EPB41L4A: variants seen among roughly 807,000 people sequenced by gnomAD.
The protein encoded by EPB41L4A is erythrocyte membrane protein band 4.1 like 4A, also known as band 4.1-like protein 4A.
A neutral mutation model predicts 108.6 loss-of-function variants in EPB41L4A; 100 were observed. The ratio of observed to expected loss-of-function variants is 0.92; its 90% CI spans 0.78 to 1.09. The LOEUF (loss-of-function observed/expected upper bound fraction) is 1.09, where lower values mean the gene tolerates loss of function less well. Among genes scored for constraint, EPB41L4A ranks in the 50% least tolerant of loss-of-function variants. The pLI is 0.00. For missense variants in EPB41L4A, 1,030 were observed against 842.7 expected (o/e 1.22, Z -2.75); for synonymous variants, 319 against 289.0 (o/e 1.10, Z -1.05).
intron 15 of EPB41L4A, among the ~76,000 whole-genome samples, chr5:112,197,243 C>T (rs182889902): frequency 1.8e-4 from 27 of 152,338 alleles, no homozygotes; most frequent in Admixed American, 1.1e-3. Context: ...CCAGTCTCTC[C>T]TCTCTCCTTC....
chr5:112,260,491 C>A (rs536921598), intron 7 of EPB41L4A, among the ~76,000 whole-genome samples: 98 of 152,248 alleles, frequency 6.4e-4, no homozygotes, highest in Non-Finnish European at 6.6e-4. Context: ...ATCTCCGATG[C>A]GGACAATCAT....
chr5:112,384,877 C>G (rs1226998761), intron 1 of EPB41L4A, among the ~76,000 whole-genome samples: 1 of 152,004 alleles, frequency 6.6e-6, no homozygotes, highest in Non-Finnish European at 1.5e-5. Flanking sequence ...AATTTTTTTC[C>G]TAGGCCTCAA....
At chr5:112,396,782 C>G (rs1215854241) in intron 1 of EPB41L4A, among the ~76,000 whole-genome samples, 1 of 152,170 alleles carries the variant, frequency 6.6e-6, no homozygotes, top group African/African-American at 2.4e-5. Context: ...CTTGTATAAT[C>G]TAGTCTCCAA....
At chr5:112,187,171 C>T (rs1044774236) in intron 17 of EPB41L4A, among the ~76,000 whole-genome samples, 6 of 152,078 alleles carry the variant, frequency 3.9e-5, no homozygotes, top group East Asian at 1.9e-4. Context: ...AAAAAGAGTC[C>T]GTTGTCATTT....
chr5:112,241,539 T>C (rs931525478), intron 9 of EPB41L4A, among the ~76,000 whole-genome samples: 1 of 152,152 alleles, frequency 6.6e-6, no homozygotes. Context: ...CAAACTTGAA[T>C]CAAAAATATT....
intron 1 of EPB41L4A, among the ~76,000 whole-genome samples, chr5:112,415,895 G>C (rs1762689280): frequency 6.6e-6 from 1 of 151,894 alleles, no homozygotes. Context: ...AGGTGAGGTT[G>C]CCCCTAAAGC....
intron 2 of EPB41L4A, among the ~76,000 whole-genome samples, chr5:112,305,304 G>C (rs1309883463): frequency 6.6e-6 from 1 of 152,056 alleles, no homozygotes; most frequent in Admixed American, 6.6e-5. Context: ...GATGATGATG[G>C]TGGTAATAAT....
chr5:112,297,189 C>T (rs1409701022), intron 2 of EPB41L4A, among the ~76,000 whole-genome samples: 1 of 152,138 alleles, frequency 6.6e-6, no homozygotes, highest in Non-Finnish European at 1.5e-5. Context: ...GGGAGTTATA[C>T]TTTGAGTTCC....
At chr5:112,239,476 T>A (rs1161107769) in intron 11 of EPB41L4A, 184 bp downstream of exon 11, 1 of 419,070 alleles carries the variant, frequency 2.4e-6, no homozygotes, top group African/African-American at 2.1e-5. Context: ...AGACACTAAA[T>A]ATAATTAAAT....
intron 1 of EPB41L4A, among the ~76,000 whole-genome samples, chr5:112,336,419 A>G (rs558218526): frequency 6.6e-6 from 1 of 152,286 alleles, no homozygotes; most frequent in East Asian, 1.9e-4. Context: ...CTGTGGCATT[A>G]TTCTTTCCTG....
At chr5:112,147,987 T>G (rs1389184476) in intron 12 of EPB41L4A, among the ~76,000 whole-genome samples, 1 of 149,288 alleles carries the variant, frequency 6.7e-6, no homozygotes, top group Non-Finnish European at 1.5e-5. Flanking sequence ...TGCAGTGAGC[T>G]GAGATGGTGC....
intron 2 of EPB41L4A, among the ~76,000 whole-genome samples, chr5:112,300,182 T>C (rs1447865662): frequency 1.3e-5 from 2 of 152,116 alleles, no homozygotes; most frequent in African/African-American, 4.8e-5. Context: ...ATTCCATTCA[T>C]TGTGCTATTT....
At chr5:112,327,499 T>A (rs988746307) in intron 1 of EPB41L4A, among the ~76,000 whole-genome samples, 1 of 152,064 alleles carries the variant, frequency 6.6e-6, no homozygotes, top group South Asian at 2.1e-4. Context: ...GAGAATCACT[T>A]GAGGCAAGGA....
intron 1 of EPB41L4A, among the ~76,000 whole-genome samples, chr5:112,334,040 C>T (rs10037235): frequency 1.3e-5 from 2 of 151,992 alleles, no homozygotes; most frequent in East Asian, 1.9e-4. Context: ...GAACGGGTTG[C>T]GGGGTGAGGG....
chr5:112,230,632 T>C (rs1163762051), intron 12 of EPB41L4A, among the ~76,000 whole-genome samples: 1 of 152,230 alleles, frequency 6.6e-6, no homozygotes, highest in African/African-American at 2.4e-5. Context: ...TATTAGTCCT[T>C]TGCTGGATGC....
intron 12 of EPB41L4A, 113 bp from the exon 13 acceptor site, chr5:112,210,095 A>G (rs2150311407): frequency 1.6e-6 from 1 of 608,094 alleles, no homozygotes; most frequent in Admixed American, 3.2e-5. Flanking sequence ...GGCACATTTT[A>G]TTGATAAATT....
In EPB41L4A at chr5:112,339,487, T is replaced by TCG. The variant is rs1561585035; in HGVS notation, c.100-31998_100-31997insCG. Among the ~76,000 whole-genome samples the TCG allele has an allele frequency of 4.8e-4, 14 of 28,918 alleles. No homozygotes were observed. In the East Asian group the frequency reaches 8.5e-3, roughly 17 times the overall value. 19.0% of individuals were successfully genotyped at this position (28,918 alleles called of 152,430 possible). A position where few individuals can be genotyped will look rare whatever the true frequency, so the allele number is the denominator to read the frequency against. The stretch of plus-strand genomic sequence containing the variant: ...ATATATATATATCTATATATATATA[T>TCG]ATATATATCTATATATATATATAGA... On this transcript the variant is annotated intron_variant, in intron 1 of 22. Coordinates refer to ENST00000261486, the MANE Select transcript of EPB41L4A (RefSeq NM_022140.5).
rs997218009 is a variant in EPB41L4A at position 112,170,373 on chromosome 5, T to C, written c.1671-4A>G. ...GGATGGATCCACAAGTTCTTTTCTG[T>C]AAAGGAATATGCAAGAAAATGATAG... On this transcript the variant is annotated splice_region_variant and splice_polypyrimidine_tract_variant and intron_variant, in intron 19 of 22. Coordinates refer to ENST00000261486, the MANE Select transcript of EPB41L4A (RefSeq NM_022140.5). 4 of 1,561,248 alleles carry C rather than the reference T, an allele frequency of 2.6e-6. No individual in the cohort carries two copies. Among genetic ancestry groups the C allele is most frequent in the South Asian group, 2.2e-5 (2 of 89,714 alleles).
chr5:112,165,517 A>C (rs988576249), intron 22 of EPB41L4A, among the ~76,000 whole-genome samples: 1 of 152,154 alleles, frequency 6.6e-6, no homozygotes, highest in Non-Finnish European at 1.5e-5. Context: ...GAATGGAACA[A>C]TGTCTTGTGA....
Sources: allele counts gnomAD v4.1 joint callset (sites outside exome capture counted in the v4.1 genomes callset), GRCh38; gene constraint gnomAD v4.1.1; transcripts MANE v1.5; gene names NCBI Gene and HGNC (gene_info 2026-07-23, HGNC 2026-07-21).